The following COX7A2L variants were observed in gnomAD, a reference collection of about 807,000 sequenced individuals.
COX7A2L encodes cytochrome c oxidase subunit 7A2 like.
Under a neutral mutation model 14.2 loss-of-function variants are expected in COX7A2L, and 18 were observed. The ratio of observed to expected loss-of-function variants is 1.27; its 90% CI spans 0.88 to 1.88. COX7A2L has a LOEUF of 1.88. Among genes scored for constraint, COX7A2L ranks in the 40% most tolerant of loss-of-function variants. The pLI, the probability that COX7A2L is intolerant of heterozygous loss-of-function variation, is 0.00. For synonymous variants in COX7A2L, 65 were observed against 57.4 expected, an observed-to-expected ratio of 1.13 and a Z score of -0.60; for missense variants, 179 against 138.8, an observed-to-expected ratio of 1.29 and a Z score of -1.46.
At chr2:42,355,813 C>T (rs1670799199) in intron 1 of COX7A2L, among the ~76,000 whole-genome samples, 1 of 144,502 alleles carries the variant, frequency 6.9e-6, no homozygotes, top group African/African-American at 2.6e-5. Context: ...GCAACCTCTG[C>T]CTCTCAGGTT....
chr2:42,353,098 T>G, intron 2 of COX7A2L, 114 bp downstream of exon 2: 1 of 1,295,696 alleles, frequency 7.7e-7, no homozygotes, highest in East Asian at 2.4e-5. Flanking sequence ...AGAATACTAC[T>G]TAAAGAAAAA....
intron 2 of COX7A2L, 144 bp from the exon 3 acceptor site, chr2:42,351,503 T>A (rs1318856935): frequency 2.1e-6 from 2 of 940,120 alleles, no homozygotes; most frequent in Non-Finnish European, 3.1e-6. Context: ...GGAATGCTAG[T>A]AGAAGTTCCT....
chr2:42,350,152 G>T lies in COX7A2L; in HGVS notation c.*1067C>A, dbSNP rs1351130323. Reference sequence around the variant, plus strand: ...ATCCTGAGCAAGAGGTCACTGTTCTGTGCTATGGTAAGATACAAACTATTC... The same window carrying T: ...ATCCTGAGCAAGAGGTCACTGTTCTTTGCTATGGTAAGATACAAACTATTC... On this transcript the variant is annotated 3_prime_UTR_variant, in exon 3 of 3. Transcript: ENST00000234301. The T allele has an allele frequency of 3.3e-5, 5 of 152,146 alleles. No individual in the cohort carries two copies. The highest frequency in any genetic ancestry group is 5.9e-5 in the Non-Finnish European group (4 of 68,020). The allele number at this position is 152,146 out of a possible 1,614,324, so 9.4% of individuals were successfully genotyped here. A position where few individuals can be genotyped will look rare whatever the true frequency, so the allele number is the denominator to read the frequency against.
chr2:42,361,153 G>A lies in COX7A2L; in HGVS notation c.9C>T (p.Tyr3=), dbSNP rs762502741. MY[Y]KFSGFTQKLA... ...ACTTCTGCGTGAAGCCACTAAACTT[G>A]TAGTACATGACGCCCAGAGTCCGGC... The change falls in exon 1 of 3, where the codon TAC becomes TAT. Residue 3 remains tyrosine, a synonymous_variant. Transcript: ENST00000234301. 5.0e-6 allele frequency: 8 copies of A among 1,613,174 alleles called. No individual in the cohort carries two copies. In the East Asian group the frequency reaches 1.1e-4, roughly 22 times the overall value.
Position 42,339,729 on chromosome 2 carries a change from G to T in COX7A2L, c.193-5860C>A, listed in dbSNP as rs1670363434. The stretch of plus-strand genomic sequence containing the variant: ...CCACCCCTGGAGGAAGACCTGGGAT[G>T]CTGCCAGCACTCAGAAGTCGGCCTG... On this transcript the variant is annotated intron_variant, in intron 2 of 2. Transcript: ENST00000468711. The surrounding 1 kb of genome is among the most constrained non-coding windows in gnomAD (Gnocchi z 5.4). 6.6e-6 allele frequency among the ~76,000 whole-genome samples: 1 copy of T among 152,178 alleles called. No homozygotes were observed. The highest frequency in any genetic ancestry group is 2.1e-4 in the South Asian group (1 of 4,834).
rs1218125463 is a variant in COX7A2L at position 42,349,700 on chromosome 2, A to T, written c.*1519T>A. On this transcript the variant is annotated 3_prime_UTR_variant, in exon 3 of 3. Transcript: ENST00000234301. ...GGGGAAATCTGAAAGTAAACTATGT[A>T]TTAGATGGTAGTATTGTTATAAATG... 6.6e-6 allele frequency: 1 copy of T among 152,228 alleles called. No homozygotes were observed. Among genetic ancestry groups the T allele is most frequent in the Admixed American group, 6.5e-5 (1 of 15,286 alleles). The allele number at this position is 152,228 out of a possible 1,614,324, so 9.4% of individuals were successfully genotyped here.
At chr2:42,363,009 G>A (rs1671093078), upstream of COX7A2L, among the ~76,000 whole-genome samples, 1 of 151,648 alleles carries the variant, frequency 6.6e-6, no homozygotes, top group African/African-American at 2.4e-5. Flanking sequence ...CGGGTAGCTG[G>A]AACCACAGAT....
In COX7A2L at chr2:42,339,769, C is replaced by T. The variant is rs59984817; in HGVS notation, c.193-5900G>A. Among the ~76,000 whole-genome samples, 9 of 152,282 alleles carry T rather than the reference C, an allele frequency of 5.9e-5. No homozygotes were observed. In the South Asian group the frequency reaches 6.2e-4, roughly 11 times the overall value. ...AAGTCGGCCTGTGACCCGCTCCTGTCAGGGACTCCCACAGGGCAGCCTCGA... is the reference window on the plus strand; with the variant it reads ...AAGTCGGCCTGTGACCCGCTCCTGTTAGGGACTCCCACAGGGCAGCCTCGA... On this transcript the variant is annotated intron_variant, in intron 2 of 2. Coordinates refer to the COX7A2L transcript ENST00000468711. The surrounding 1 kb of genome is among the most constrained non-coding windows in gnomAD (Gnocchi z 5.4).
At chr2:42,360,127 G>GC (rs1163241549) in intron 1 of COX7A2L, 1 of 152,190 alleles carries the variant, frequency 6.6e-6, no homozygotes, top group Non-Finnish European at 1.5e-5. Context: ...CCTCATCTGG[G>GC]CCCCTCACTA....
At chr2:42,341,961 A>G (rs1291326668) in intron 2 of COX7A2L, among the ~76,000 whole-genome samples, 3 of 152,152 alleles carry the variant, frequency 2.0e-5, no homozygotes, top group Non-Finnish European at 4.4e-5. Flanking sequence ...CTGCAACTCA[A>G]TTTTCAAATT....
At chr2:42,344,188 T>G (rs1458820646) in intron 2 of COX7A2L, among the ~76,000 whole-genome samples, 1 of 152,244 alleles carries the variant, frequency 6.6e-6, no homozygotes, top group Non-Finnish European at 1.5e-5. Context: ...TTATAAATAT[T>G]AGCTAAATTA....
intron 1 of COX7A2L, among the ~76,000 whole-genome samples, chr2:42,358,888 CAG>C (rs533333272): frequency 3.2e-4 from 49 of 152,244 alleles, no homozygotes; most frequent in African/African-American, 1.1e-3. Context: ...CCCAGCCACT[CAG>C]GGGGCTGAGG....
chr2:42,360,117 C>G (rs1436535149), intron 1 of COX7A2L: 1 of 152,232 alleles, frequency 6.6e-6, no homozygotes, highest in Non-Finnish European at 1.5e-5. Flanking sequence ...ATCCTTTACA[C>G]CTCATCTGGG....
chr2:42,358,300 G>C (rs1413618289), intron 1 of COX7A2L, among the ~76,000 whole-genome samples: 2 of 152,184 alleles, frequency 1.3e-5, no homozygotes, highest in African/African-American at 2.4e-5. Context: ...TTCAGAGAAA[G>C]GTAAGGAAGA....
At chr2:42,347,926 A>G (rs1670530663), downstream of COX7A2L, among the ~76,000 whole-genome samples, 1 of 152,222 alleles carries the variant, frequency 6.6e-6, no homozygotes, top group African/African-American at 2.4e-5. Flanking sequence ...CATCTCAAAA[A>G]AAAAGAAAAT....
At chr2:42,353,467 C>G in intron 1 of COX7A2L, 124 bp from the exon 2 acceptor site, 2 of 1,306,224 alleles carry the variant, frequency 1.5e-6, no homozygotes, top group South Asian at 1.3e-5. Context: ...CAGAGCAAAC[C>G]CTGTCAAGAA....
At chr2:42,356,218 A>T (rs1484760163) in intron 1 of COX7A2L, among the ~76,000 whole-genome samples, 2 of 152,110 alleles carry the variant, frequency 1.3e-5, no homozygotes, top group Non-Finnish European at 2.9e-5. Flanking sequence ...ACCCAACCCC[A>T]TAAGTCACCT....
chr2:42,356,241 C>A (rs1359732618), intron 1 of COX7A2L, among the ~76,000 whole-genome samples: 1 of 152,140 alleles, frequency 6.6e-6, no homozygotes, highest in Non-Finnish European at 1.5e-5. Context: ...TCAGAGAGAT[C>A]TTTCTGACCA....
chr2:42,353,020 C>A lies in COX7A2L; in HGVS notation c.204+192G>T. On this transcript the variant is annotated intron_variant, in intron 2 of 2. Coordinates refer to ENST00000234301, the MANE Select transcript of COX7A2L (RefSeq NM_004718.4). ...AAATACTAATGAGGAAATTAACCAC[C>A]CTCCCCTCTTTTATCAGTATCTACC... The A allele has an allele frequency of 4.6e-6, 3 of 655,280 alleles. No homozygotes were observed. The South Asian group carries it at 6.6e-5, about 14-fold the overall frequency. 40.6% of individuals were successfully genotyped at this position (655,280 alleles called of 1,614,324 possible). A position where few individuals can be genotyped will look rare whatever the true frequency, so the allele number is the denominator to read the frequency against.
Sources: gnomAD v4.1 joint callset for allele counts (sites outside exome capture counted in the v4.1 genomes callset) on GRCh38, gnomAD v4.1.1 for gene constraint, Gnocchi (gnomAD v3.1) non-coding constraint, MANE v1.5 for transcripts, NCBI Gene and HGNC (gene_info 2026-07-23, HGNC 2026-07-21) for gene names.